The following ZNF652 variants were observed in gnomAD, a reference collection of about 807,000 sequenced individuals.
The protein encoded by ZNF652 is zinc finger protein 652.
A neutral mutation model predicts 45.2 loss-of-function variants in ZNF652; 16 were observed. The ratio of observed to expected loss-of-function variants is 0.35; its 90% CI spans 0.24 to 0.54. The LOEUF (loss-of-function observed/expected upper bound fraction) is 0.54, where lower values mean the gene tolerates loss of function less well. Ranked by LOEUF, ZNF652 falls within the 20% of genes least tolerant of loss-of-function variation. The pLI, the probability that ZNF652 is intolerant of heterozygous loss-of-function variation, is 0.91. For missense variants in ZNF652, 614 were observed against 765.6 expected, an observed-to-expected ratio of 0.80 and a Z score of 2.34; for synonymous variants, 250 against 260.6, an observed-to-expected ratio of 0.96 and a Z score of 0.39.
intron 1 of ZNF652, among the ~76,000 whole-genome samples, chr17:49,321,674 C>T (rs2069895185): frequency 6.6e-6 from 1 of 152,032 alleles, no homozygotes; most frequent in Admixed American, 6.6e-5. Flanking sequence ...TGGGGTGCTG[C>T]CTTACCAAAA....
chr17:49,335,661 G>A (rs1051985826), intron 1 of ZNF652, among the ~76,000 whole-genome samples: 6 of 151,892 alleles, frequency 4.0e-5, no homozygotes, highest in Admixed American at 1.3e-4. Context: ...TGATATTTTG[G>A]TTACACTGTA....
At position 49,339,196 on chromosome 17, in the gene ZNF652, A is replaced by ATTTTT. The variant is rs766243923; in HGVS notation, c.-258-21214_-258-21213insAAAAA. 1.3e-4 allele frequency among the ~76,000 whole-genome samples: 13 copies of ATTTTT among 101,774 alleles called. 2 individuals carry two copies. The highest frequency in any genetic ancestry group is 2.9e-4 in the Admixed American group (3 of 10,212). The allele number at this position is 101,774 out of a possible 152,430, so 66.8% of individuals were successfully genotyped here. The stretch of plus-strand genomic sequence containing the variant: ...AACAAAGAAAAGGTCTGAGTTAGGA[A>ATTTTT]ATTTTTTTTTTTTTTTTTTTTTTGA... On this transcript the variant is annotated intron_variant, in intron 1 of 5. Coordinates refer to ENST00000430262, the MANE Select transcript of ZNF652 (RefSeq NM_001145365.3).
At chr17:49,310,480 C>G (rs2069694155) in intron 5 of ZNF652, among the ~76,000 whole-genome samples, 1 of 152,204 alleles carries the variant, frequency 6.6e-6, no homozygotes, top group East Asian at 1.9e-4. Flanking sequence ...TTGTAAAACT[C>G]AAATCCATGC....
chr17:49,332,169 G>A (rs889318756), intron 1 of ZNF652, among the ~76,000 whole-genome samples: 6 of 151,914 alleles, frequency 3.9e-5, no homozygotes, highest in Admixed American at 2.0e-4. Context: ...TTGGGAGGCT[G>A]AGGCAGGAGA....
chr17:49,347,233 A>G (rs1179539524), intron 1 of ZNF652, among the ~76,000 whole-genome samples: 2 of 152,230 alleles, frequency 1.3e-5, no homozygotes, highest in African/African-American at 4.8e-5. Context: ...TTATATAAGT[A>G]TTCCAGCTAA....
chr17:49,306,735 TA>T (rs2069634252), intron 5 of ZNF652, among the ~76,000 whole-genome samples: 1 of 152,202 alleles, frequency 6.6e-6, no homozygotes, highest in Admixed American at 6.5e-5. Flanking sequence ...ATGGCTGTGA[TA>T]ACACTGTGAT....
intron 5 of ZNF652, among the ~76,000 whole-genome samples, chr17:49,300,209 G>A (rs2069533346): frequency 6.6e-6 from 1 of 152,286 alleles, no homozygotes; most frequent in East Asian, 1.9e-4. Flanking sequence ...TCCTCATTAT[G>A]TGGGACTATC....
At position 49,291,985 on chromosome 17, in the gene ZNF652, T is replaced by C. The variant is rs987092013; in HGVS notation, c.*6428A>G. ...ATTTTGCACTATCTCACCAATAATA[T>C]CTTTCCTGTTGCCAGACAGGAAAGA... On this transcript the variant is annotated 3_prime_UTR_variant, in exon 6 of 6. Transcript: ENST00000430262. Among the ~76,000 whole-genome samples, 9 of 152,172 alleles carry C rather than the reference T, an allele frequency of 5.9e-5. No homozygotes were observed. The highest frequency in any genetic ancestry group is 2.2e-4 in the African/African-American group (9 of 41,444).
intron 5 of ZNF652, among the ~76,000 whole-genome samples, chr17:49,299,625 C>A (rs559182570): frequency 1.3e-5 from 2 of 152,084 alleles, no homozygotes; most frequent in South Asian, 4.2e-4. Flanking sequence ...AGGTGATCTA[C>A]CCACCTCGGC....
intron 4 of ZNF652, 94 bp downstream of exon 4, chr17:49,311,833 T>G (rs1178124537): frequency 2.9e-6 from 3 of 1,042,288 alleles, no homozygotes. Context: ...GGCAGCCTTG[T>G]GCCTCCTGCT....
At chr17:49,359,404 C>T (rs1305413978) in intron 1 of ZNF652, among the ~76,000 whole-genome samples, 3 of 152,164 alleles carry the variant, frequency 2.0e-5, no homozygotes, top group Non-Finnish European at 4.4e-5. Flanking sequence ...GGAACAGGTT[C>T]TATAGGCAAG....
In ZNF652 at chr17:49,358,602, T is replaced by C. The variant is rs544345450; in HGVS notation, c.-259+3307A>G. 5.3e-5 allele frequency among the ~76,000 whole-genome samples: 8 copies of C among 152,352 alleles called. No homozygotes were observed. The East Asian group carries it at 7.7e-4, about 15-fold the overall frequency. Reference sequence around the variant, plus strand: ...AGGGTGACTTCAAAAGTTCACATTCTAGTTTACCTCTTCGTTAGGCTTCAG... The same window carrying C: ...AGGGTGACTTCAAAAGTTCACATTCCAGTTTACCTCTTCGTTAGGCTTCAG... On this transcript the variant is annotated intron_variant, in intron 1 of 5. Transcript: ENST00000430262.
intron 1 of ZNF652, among the ~76,000 whole-genome samples, chr17:49,327,598 A>G (rs1242793179): frequency 6.6e-6 from 1 of 150,724 alleles, no homozygotes; most frequent in Non-Finnish European, 1.5e-5. Flanking sequence ...AGCATAGCAG[A>G]CCAGGCACAG....
intron 1 of ZNF652, among the ~76,000 whole-genome samples, chr17:49,327,779 ATTT>A (rs375857868): frequency 2.0e-3 from 8 of 4,086 alleles, no homozygotes; most frequent in African/African-American, 2.6e-3. Flanking sequence ...ATATATATAT[ATTT>A]TTTTTTTTTT....
At chr17:49,314,230 C>T (rs1342014517) in intron 2 of ZNF652, among the ~76,000 whole-genome samples, 1 of 150,504 alleles carries the variant, frequency 6.6e-6, no homozygotes, top group South Asian at 2.1e-4. Context: ...GGTGTGATCT[C>T]GGCTCACCAC....
intron 1 of ZNF652, among the ~76,000 whole-genome samples, chr17:49,339,197 A>ATTTTTTTTT (rs34574898): frequency 8.4e-6 from 1 of 119,538 alleles, no homozygotes; most frequent in Non-Finnish European, 1.7e-5. Context: ...GAGTTAGGAA[A>ATTTTTTTTT]TTTTTTTTTT....
intron 5 of ZNF652, among the ~76,000 whole-genome samples, chr17:49,308,816 A>AG (rs1327895759): frequency 6.6e-6 from 1 of 151,748 alleles, no homozygotes; most frequent in Non-Finnish European, 1.5e-5. Context: ...AAAAAAAAAA[A>AG]GTTTTGTGGG....
intron 1 of ZNF652, among the ~76,000 whole-genome samples, chr17:49,353,766 GCTT>G (rs1189445957): frequency 2.0e-5 from 3 of 152,162 alleles, no homozygotes; most frequent in Non-Finnish European, 4.4e-5. Context: ...CGCATGCACT[GCTT>G]CTTACTGTGG....
intron 1 of ZNF652, among the ~76,000 whole-genome samples, chr17:49,327,724 TAAATAA>T (rs1275052271): frequency 1.1e-4 from 8 of 72,792 alleles, no homozygotes; most frequent in East Asian, 8.0e-4. Context: ...TACTTTTAAA[TAAATAA>T]ATATATATAT....
Sources: gnomAD v4.1 joint callset for allele counts (sites outside exome capture counted in the v4.1 genomes callset) on GRCh38, gnomAD v4.1.1 for gene constraint, MANE v1.5 for transcripts, NCBI Gene and HGNC (gene_info 2026-07-23, HGNC 2026-07-21) for gene names.